The following HARS2 variants were observed in gnomAD, a reference collection of about 807,000 sequenced individuals.
HARS2 encodes histidine--tRNA ligase, mitochondrial.
Under a neutral mutation model 62.4 loss-of-function variants are expected in HARS2, and 40 were observed. The ratio of observed to expected loss-of-function variants is 0.64; its 90% CI spans 0.50 to 0.83. The LOEUF (loss-of-function observed/expected upper bound fraction) is 0.83. Among genes scored for constraint, HARS2 ranks in the 40% least tolerant of loss-of-function variants. The pLI, the probability that HARS2 is intolerant of heterozygous loss-of-function variation, is 0.00. For synonymous variants in HARS2, 228 were observed against 227.0 expected (o/e 1.00, Z -0.04); for missense variants, 569 against 626.4 (o/e 0.91, Z 0.98).
In HARS2 at chr5:140,697,422, G is replaced by A; in HGVS notation, c.1197+16G>A. On this transcript the variant is annotated intron_variant, in intron 10 of 12. Transcript: ENST00000230771. ...GAGGATGAAGGTAGGTCCTAGATAG[G>A]TGTGAGGTGGGGCTGGAGACCTAAA... is the stretch of plus-strand genomic sequence containing the variant. 6.2e-7 allele frequency: 1 copy of A among 1,613,724 alleles called. No homozygotes were observed. The highest frequency in any genetic ancestry group is 8.5e-7 in the Non-Finnish European group (1 of 1,180,032).
intron 1 of HARS2, chr5:140,693,331 C>CAA (rs397884519): frequency 6.2e-4 from 352 of 568,018 alleles, no homozygotes; most frequent in African/African-American, 4.8e-3. Flanking sequence ...GACTCTGTCT[C>CAA]AAAAAAAAAA....
intron 2 of HARS2, 107 bp downstream of exon 2, chr5:140,693,772 A>C: frequency 8.1e-7 from 1 of 1,240,280 alleles, no homozygotes; most frequent in South Asian, 1.2e-5. Flanking sequence ...AAATTTTAAA[A>C]ATATATACTA....
intron 7 of HARS2, 62 bp from the exon 8 acceptor site, chr5:140,696,459 T>C (rs1759744140): frequency 9.4e-6 from 12 of 1,273,056 alleles, no homozygotes; most frequent in Non-Finnish European, 1.4e-5. Flanking sequence ...AGTTGAGTTG[T>C]CCTTTTTCAG....
In HARS2 at chr5:140,693,981, T is replaced by C; in HGVS notation, c.230T>C (p.Ile77Thr). The C allele has an allele frequency of 6.2e-7, 1 of 1,613,988 alleles. No homozygotes were observed. Among genetic ancestry groups the C allele is most frequent in the Non-Finnish European group, 8.5e-7 (1 of 1,179,922 alleles). The part of the protein sequence containing the change: ...SPQHMVVREK[I>T]LDLVISCFKR... ...CAGCATATGGTTGTGAGGGAGAAAA[T>C]TCTTGATTTGGTTATCAGCTGCTTT... Residue 77 changes from isoleucine (I) to threonine (T), a missense_variant, in exon 3 of 13, where the codon ATT becomes ACT. Ile to Thr is a moderately conservative substitution (Grantham distance 89). Coordinates refer to ENST00000230771, the MANE Select transcript of HARS2 (RefSeq NM_012208.4).
chr5:140,692,502 C>T (rs1759544890), intron 1 of HARS2, among the ~76,000 whole-genome samples: 1 of 152,184 alleles, frequency 6.6e-6, no homozygotes, highest in Non-Finnish European at 1.5e-5. Context: ...CTTATCATTC[C>T]ACAGGCTTGT....
chr5:140,696,950 A>G lies in HARS2; in HGVS notation c.834A>G (p.Val278=), dbSNP rs759331309. 1.9e-6 allele frequency: 3 copies of G among 1,612,972 alleles called. No homozygotes were observed. In the Admixed American group the frequency reaches 5.0e-5, roughly 27 times the overall value. Residue 278 remains valine (V), a synonymous_variant, in exon 9 of 13, where the codon GTA becomes GTG. Transcript: ENST00000230771. Reference sequence around the variant, plus strand: ...GACTTTATTTCTCTCCAGGTGGGGTATCCCTAGTAGAGCAAATGTTTCAGG... The same window carrying G: ...GACTTTATTTCTCTCCAGGTGGGGTGTCCCTAGTAGAGCAAATGTTTCAGG... ...IGDYVQCHGG[V]SLVEQMFQDP...
At position 140,697,203 on chromosome 5, in the gene HARS2, T is replaced by A. The variant is rs1759781145; in HGVS notation, c.994T>A (p.Tyr332Asn). The change falls in exon 10 of 13, where the codon TAT becomes AAT. Residue 332 changes from tyrosine to asparagine, a missense_variant. Tyr to Asn is a moderately radical substitution (Grantham distance 143, BLOSUM62 -2). Transcript: ENST00000230771. Reference protein sequence around the residue: ...DLSLARGLDYYTGVIYEAVLL... With the variant: ...DLSLARGLDYNTGVIYEAVLL... Reference sequence around the variant, plus strand: ...CAGCCTGGCTCGGGGCCTAGACTACTATACAGGAGTGATCTATGAAGCAGT... The same window carrying A: ...CAGCCTGGCTCGGGGCCTAGACTACAATACAGGAGTGATCTATGAAGCAGT... The A allele has an allele frequency of 5.0e-6, 8 of 1,614,082 alleles. No individual in the cohort carries two copies. The highest frequency in any genetic ancestry group is 6.8e-6 in the Non-Finnish European group (8 of 1,180,048).
rs369075888 is a variant in HARS2, at chr5:140,694,011, G to C, written c.260G>C (p.Arg87Pro). 1 of 1,614,112 alleles carries C rather than the reference G, an allele frequency of 6.2e-7. No homozygotes were observed. The highest frequency in any genetic ancestry group is 8.5e-7 in the Non-Finnish European group (1 of 1,179,982). ...GATTTGGTTATCAGCTGCTTTAAAC[G>C]TCATGGAGCAAAGGGGATGGACACC... is the stretch of plus-strand genomic sequence containing the variant. ...ILDLVISCFKRHGAKGMDTPA... is the reference protein window; with the variant it reads ...ILDLVISCFKPHGAKGMDTPA... Residue 87 changes from arginine (R) to proline (P), a missense_variant, in exon 3 of 13, where the codon CGT becomes CCT. Arg to Pro is a moderately radical substitution (Grantham distance 103). Coordinates refer to ENST00000230771, the MANE Select transcript of HARS2 (RefSeq NM_012208.4).
At chr5:140,693,848 A>T in intron 2 of HARS2, 87 bp from the exon 3 acceptor site, 1 of 1,485,788 alleles carries the variant, frequency 6.7e-7, no homozygotes. Context: ...CAGACCTGAG[A>T]TTACATAATA....
rs1183347618 is a variant in HARS2, at chr5:140,696,300, G to A, written c.732+99G>A. 1.7e-5 allele frequency: 16 copies of A among 942,596 alleles called. No homozygotes were observed. The East Asian group carries it at 3.6e-4, about 21-fold the overall frequency. The allele number at this position is 942,596 out of a possible 1,614,324, so 58.4% of individuals were successfully genotyped here. ...AAATAAGGAGATTGTGGCTGGAAGT[G>A]GGCTATTTTGGGGTGGAAGGTAAGG... On this transcript the variant is annotated intron_variant, in intron 7 of 12. Transcript: ENST00000230771.
chr5:140,697,459 T>C (rs1263734789), intron 10 of HARS2, 53 bp downstream of exon 10: 2 of 1,611,692 alleles, frequency 1.2e-6, no homozygotes, highest in African/African-American at 2.7e-5. Context: ...ACCCTCCTGT[T>C]TCTGGAGGTG....
At chr5:140,697,729 T>C (rs1400932784) in intron 11 of HARS2, 44 bp downstream of exon 11, 1 of 1,404,790 alleles carries the variant, frequency 7.1e-7, no homozygotes, top group Non-Finnish European at 1.0e-6. Flanking sequence ...ATGTGTGGAA[T>C]TTAGGACCCA....
chr5:140,698,179 T>A, intron 12 of HARS2, 101 bp downstream of exon 12: 1 of 1,151,864 alleles, frequency 8.7e-7, no homozygotes, highest in Non-Finnish European at 1.3e-6. Context: ...TCTTCATGGT[T>A]AATAGTGGTA....
chr5:140,694,076 C>T (rs752600766), intron 3 of HARS2, 22 bp downstream of exon 3: 23 of 1,613,698 alleles, frequency 1.4e-5, no homozygotes, highest in Admixed American at 5.0e-5. Flanking sequence ...AGAAAGAGTA[C>T]GTGCAACCTC....
intron 4 of HARS2, 71 bp downstream of exon 4, chr5:140,694,351 A>G (rs527673882): frequency 1.9e-6 from 2 of 1,045,048 alleles, no homozygotes; most frequent in South Asian, 2.5e-5. Flanking sequence ...ACAAAAGTGG[A>G]GAACGTGACT....
In HARS2 at chr5:140,699,075, G is replaced by A. The variant is rs1276735121; in HGVS notation, c.*523G>A. ...ATCCTAAGGGCATGGCAGTACCCAT[G>A]TTGATTTGACATCTCTCTAGCCCAT... is the stretch of plus-strand genomic sequence containing the variant. On this transcript the variant is annotated 3_prime_UTR_variant, in exon 13 of 13. Coordinates refer to ENST00000230771, the MANE Select transcript of HARS2 (RefSeq NM_012208.4). 4.9e-6 allele frequency: 1 copy of A among 204,484 alleles called. No individual in the cohort carries two copies. Among genetic ancestry groups the A allele is most frequent in the Non-Finnish European group, 1.0e-5 (1 of 99,278 alleles). 12.7% of individuals were successfully genotyped at this position (204,484 alleles called of 1,614,324 possible).
rs1177561758 is a variant in HARS2 at position 140,691,678 on chromosome 5, G to T, written c.30G>T (p.Arg10Ser). The T allele has an allele frequency of 1.0e-5, 16 of 1,551,172 alleles. No homozygotes were observed. The highest frequency in any genetic ancestry group is 1.4e-5 in the African/African-American group (1 of 73,094). The stretch of plus-strand genomic sequence containing the variant: ...CCCTGCTCGGACTTCTTCCCAGGAG[G>T]GCCTGGGCTTCGCTGCTCAGCCAGC... MPLLGLLPR[R>S]AWASLLSQLL... Residue 10 changes from arginine (R) to serine (S), a missense_variant, in exon 1 of 13, where the codon AGG becomes AGT. Transcript: ENST00000230771.
chr5:140,697,583 G>A lies in HARS2; in HGVS notation c.1212G>A (p.Lys404=). The A allele has an allele frequency of 6.2e-7, 1 of 1,613,284 alleles. No homozygotes were observed. Among genetic ancestry groups the A allele is most frequent in the Non-Finnish European group, 8.5e-7 (1 of 1,179,238 alleles). The change falls in exon 11 of 13, where the codon AAG becomes AAA. Residue 404 remains lysine (K), a synonymous_variant. Transcript: ENST00000230771. Reference sequence around the variant, plus strand: ...TCTCTTATTAGACCAAAGGTGAGAAGGTGCGGACTACAGAGACTCAAGTGT... The same window carrying A: ...TCTCTTATTAGACCAAAGGTGAGAAAGTGCGGACTACAGAGACTCAAGTGT... The part of the protein sequence containing the change: ...VEQRMKTKGE[K]VRTTETQVFV...
chr5:140,696,710 C>T lies in HARS2; in HGVS notation c.826+96C>T, dbSNP rs181441616. The stretch of plus-strand genomic sequence containing the variant: ...GAAACAACTCTTTTCTGTAGATATG[C>T]TAAGCTCCAGGGCCTGTCCTGAATT... On this transcript the variant is annotated intron_variant, in intron 8 of 12. Coordinates refer to ENST00000230771, the MANE Select transcript of HARS2 (RefSeq NM_012208.4). 4.9e-4 allele frequency: 478 copies of T among 976,544 alleles called. 3 individuals carry two copies. The highest frequency in any genetic ancestry group is 2.9e-3 in the Middle Eastern group (14 of 4,848). 60.5% of individuals were successfully genotyped at this position (976,544 alleles called of 1,614,324 possible). A position where few individuals can be genotyped will look rare whatever the true frequency, so the allele number is the denominator to read the frequency against.
Sources: allele counts gnomAD v4.1 joint callset (sites outside exome capture counted in the v4.1 genomes callset), GRCh38; gene constraint gnomAD v4.1.1; transcripts MANE v1.5; gene names NCBI Gene and HGNC (gene_info 2026-07-23, HGNC 2026-07-21).